EIPR1: variants seen among roughly 807,000 people sequenced by gnomAD.
The protein encoded by EIPR1 is EARP and GARP complex-interacting protein 1.
EIPR1 carries 25 observed loss-of-function variants against 48.1 expected under a neutral mutation model. That is an observed-to-expected ratio of 0.52 (90% CI 0.38 to 0.73). The LOEUF is 0.73. Ranked by LOEUF, EIPR1 falls within the 30% of genes least tolerant of loss-of-function variation. The probability of loss-of-function intolerance (pLI) is 0.00; values close to 1 mark genes in which losing one functional copy is unlikely to be tolerated. For missense variants in EIPR1, 415 were observed against 506.2 expected (o/e 0.82, Z 1.73); for synonymous variants, 204 against 201.9 (o/e 1.01, Z -0.09).
At chr2:3,350,117 CAAAAAAAAA>C (rs35912767) in intron 2 of EIPR1, among the ~76,000 whole-genome samples, 2 of 57,462 alleles carry the variant, frequency 3.5e-5, no homozygotes, top group South Asian at 1.2e-3. Context: ...GACTCTGTCT[CAAAAAAAAA>C]AAAAAAAAAA....
intron 5 of EIPR1, among the ~76,000 whole-genome samples, chr2:3,206,909 C>T (rs773807697): frequency 6.6e-6 from 1 of 152,134 alleles, no homozygotes; most frequent in Non-Finnish European, 1.5e-5. Context: ...GGGAGCAGCG[C>T]GTCATGAAAG....
intron 3 of EIPR1, among the ~76,000 whole-genome samples, chr2:3,277,028 C>T (rs1465015599): frequency 6.6e-6 from 1 of 152,104 alleles, no homozygotes; most frequent in East Asian, 1.9e-4. Flanking sequence ...TAATTAAAAA[C>T]GTAAGAGAAA....
intron 1 of EIPR1, among the ~76,000 whole-genome samples, chr2:3,372,238 T>C (rs1210496567): frequency 1.3e-5 from 2 of 150,836 alleles, no homozygotes; most frequent in East Asian, 3.9e-4. Context: ...AAGCAGTGTG[T>C]AGAGGGAAAT....
chr2:3,249,941 C>T (rs1047740575), intron 4 of EIPR1, among the ~76,000 whole-genome samples: 1 of 152,244 alleles, frequency 6.6e-6, no homozygotes, highest in African/African-American at 2.4e-5. Flanking sequence ...AGAAGCTTGG[C>T]AGCTTCCCCT....
intron 4 of EIPR1, among the ~76,000 whole-genome samples, chr2:3,216,256 C>T (rs745404544): frequency 2.6e-5 from 4 of 152,034 alleles, no homozygotes; most frequent in East Asian, 1.9e-4. Context: ...TTCTATATGA[C>T]GGGCAGTAAA....
chr2:3,236,869 A>G (rs1388649869), intron 4 of EIPR1, among the ~76,000 whole-genome samples: 3 of 152,188 alleles, frequency 2.0e-5, no homozygotes, highest in East Asian at 3.9e-4. Flanking sequence ...CGTGGCCTGA[A>G]AGCTCACAAT....
intron 3 of EIPR1, among the ~76,000 whole-genome samples, chr2:3,289,805 C>T (rs956067705): frequency 3.9e-5 from 6 of 152,216 alleles, no homozygotes; most frequent in African/African-American, 1.2e-4. Context: ...TTATCCTTCC[C>T]GGGGCTTCCC....
intron 4 of EIPR1, among the ~76,000 whole-genome samples, chr2:3,235,708 T>G (rs1666385442): frequency 6.6e-6 from 1 of 152,246 alleles, no homozygotes; most frequent in Non-Finnish European, 1.5e-5. Flanking sequence ...TGCAGGATTT[T>G]AAAGGCTTAT....
intron 1 of EIPR1, among the ~76,000 whole-genome samples, chr2:3,374,251 C>T (rs1407661940): frequency 2.0e-4 from 31 of 151,998 alleles, no homozygotes; most frequent in South Asian, 2.1e-4. Context: ...AAGACTTAAA[C>T]GTTAGACCTA....
chr2:3,248,477 C>T (rs1572353479), intron 4 of EIPR1, among the ~76,000 whole-genome samples: 1 of 152,168 alleles, frequency 6.6e-6, no homozygotes, highest in East Asian at 1.9e-4. Context: ...GCCTGTAATC[C>T]CAGCTACCCA....
At chr2:3,348,982 G>C (rs556942644) in intron 2 of EIPR1, among the ~76,000 whole-genome samples, 1 of 152,352 alleles carries the variant, frequency 6.6e-6, no homozygotes, top group Admixed American at 6.5e-5. Flanking sequence ...CGGAACCATG[G>C]GGCCCAGGCT....
chr2:3,268,393 G>A (rs937877463), intron 3 of EIPR1, among the ~76,000 whole-genome samples: 13 of 152,270 alleles, frequency 8.5e-5, no homozygotes, highest in East Asian at 1.9e-4. Flanking sequence ...CCAATCCAGC[G>A]ACTGTGGACC....
chr2:3,218,339 G>A (rs573843279), intron 4 of EIPR1, among the ~76,000 whole-genome samples: 4 of 149,214 alleles, frequency 2.7e-5, no homozygotes, highest in African/African-American at 7.4e-5. Flanking sequence ...CACCCAACAC[G>A]GCCCTGATAC....
At chr2:3,349,660 G>A (rs983749074) in intron 2 of EIPR1, among the ~76,000 whole-genome samples, 1 of 151,820 alleles carries the variant, frequency 6.6e-6, no homozygotes, top group African/African-American at 2.4e-5. Context: ...GGGACAGGGA[G>A]CATGCTGGGA....
chr2:3,252,759 C>A (rs1667040205), intron 4 of EIPR1, among the ~76,000 whole-genome samples: 1 of 152,196 alleles, frequency 6.6e-6, no homozygotes, highest in Non-Finnish European at 1.5e-5. Flanking sequence ...GGGGCTCCAT[C>A]CCTGCCGGGC....
chr2:3,193,935 A>G, intron 7 of EIPR1, 64 bp downstream of exon 7: 1 of 1,569,666 alleles, frequency 6.4e-7, no homozygotes, highest in Non-Finnish European at 8.7e-7. Context: ...TCCCAATGGT[A>G]AAGTAATTAG....
At chr2:3,190,931 G>A (rs557653229) in intron 8 of EIPR1, among the ~76,000 whole-genome samples, 1 of 146,460 alleles carries the variant, frequency 6.8e-6, no homozygotes, top group South Asian at 2.2e-4. Flanking sequence ...GCAAAACTCT[G>A]TCTCTACAAA....
At position 3,194,186 on chromosome 2, in the gene EIPR1, A is replaced by G; in HGVS notation, c.654-20T>C. 6.2e-7 allele frequency: 1 copy of G among 1,612,086 alleles called. No individual in the cohort carries two copies. Among genetic ancestry groups the G allele is most frequent in the Non-Finnish European group, 8.5e-7 (1 of 1,178,810 alleles). On this transcript the variant is annotated intron_variant, in intron 6 of 8. Transcript: ENST00000382125. ...ATCTGGCTGAGGGAGAAGGAAGAACAGCAAAGGAAAATAGTAAATGGATTA... is the reference window on the plus strand; with the variant it reads ...ATCTGGCTGAGGGAGAAGGAAGAACGGCAAAGGAAAATAGTAAATGGATTA...
At chr2:3,247,029 G>GAGGGAGGGAGAGAGCA (rs1666847064) in intron 4 of EIPR1, among the ~76,000 whole-genome samples, 1 of 12,792 alleles carries the variant, frequency 7.8e-5, no homozygotes, top group Non-Finnish European at 1.3e-4. Flanking sequence ...GGGAGAGAGC[G>GAGGGAGGGAGAGAGCA]AGGGAGGGAG....
Sources: allele counts gnomAD v4.1 joint callset (sites outside exome capture counted in the v4.1 genomes callset), GRCh38; gene constraint gnomAD v4.1.1; transcripts MANE v1.5; gene names NCBI Gene and HGNC (gene_info 2026-07-23, HGNC 2026-07-21).